The following CLTCL1 variants were observed in gnomAD, a reference collection of about 807,000 sequenced individuals.
CLTCL1 encodes clathrin heavy chain 2.
Under a neutral mutation model 190.0 loss-of-function variants are expected in CLTCL1, and 159 were observed. The ratio of observed to expected loss-of-function variants is 0.84; its 90% CI spans 0.74 to 0.95. The LOEUF (loss-of-function observed/expected upper bound fraction) is 0.95. CLTCL1 is among the 40% of genes least tolerant of loss of function. The pLI is 0.00. For missense variants in CLTCL1, 1,878 were observed against 2,033.4 expected, an observed-to-expected ratio of 0.92 and a Z score of 1.47; for synonymous variants, 752 against 769.6, an observed-to-expected ratio of 0.98 and a Z score of 0.38.
At chr22:19,270,726 C>CAAA (rs35877753) in intron 2 of CLTCL1, among the ~76,000 whole-genome samples, 22 of 78,784 alleles carry the variant, frequency 2.8e-4, no homozygotes, top group East Asian at 6.9e-4. Context: ...GACTCCAACT[C>CAAA]AAAAAAAAAA....
chr22:19,226,207 G>T lies in CLTCL1; in HGVS notation c.1947+12C>A. 6.2e-7 allele frequency: 1 copy of T among 1,612,710 alleles called. No homozygotes were observed. The highest frequency in any genetic ancestry group is 8.5e-7 in the Non-Finnish European group (1 of 1,179,434). On this transcript the variant is annotated intron_variant, in intron 12 of 32. Coordinates refer to ENST00000427926, the MANE Select transcript of CLTCL1 (RefSeq NM_007098.4). ...AACAGCCATAATAGGAGTGCCCAGGGGTACACAGTACCTCGGGATTGAGGA... is the reference window on the plus strand; with the variant it reads ...AACAGCCATAATAGGAGTGCCCAGGTGTACACAGTACCTCGGGATTGAGGA...
chr22:19,191,952 CTGGG>C (rs2084520718), intron 26 of CLTCL1, among the ~76,000 whole-genome samples: 1 of 152,268 alleles, frequency 6.6e-6, no homozygotes, highest in Admixed American at 6.5e-5. Flanking sequence ...GTGGACCACT[CTGGG>C]TGGACCCTGT....
intron 13 of CLTCL1, among the ~76,000 whole-genome samples, chr22:19,224,995 A>T (rs1248461985): frequency 6.6e-6 from 1 of 152,206 alleles, no homozygotes; most frequent in Non-Finnish European, 1.5e-5. Context: ...GAAGACAACC[A>T]GGTTACCTTG....
intron 5 of CLTCL1, among the ~76,000 whole-genome samples, chr22:19,236,713 A>C (rs1451360247): frequency 1.3e-5 from 2 of 152,174 alleles, no homozygotes; most frequent in African/African-American, 4.8e-5. Flanking sequence ...TTGGGAAGCC[A>C]AGGCAGGAGG....
intron 11 of CLTCL1, among the ~76,000 whole-genome samples, chr22:19,227,635 A>G (rs1286448240): frequency 1.3e-5 from 2 of 151,852 alleles, no homozygotes; most frequent in African/African-American, 2.4e-5. Context: ...TTGTATTTTT[A>G]GTAAAGACAG....
At chr22:19,274,663 T>G (rs1453005001) in intron 2 of CLTCL1, among the ~76,000 whole-genome samples, 6 of 151,970 alleles carry the variant, frequency 3.9e-5, no homozygotes, top group African/African-American at 1.4e-4. Context: ...AATAGAAGCC[T>G]AGGCAAAGCT....
chr22:19,269,367 T>C (rs533103224), intron 2 of CLTCL1, among the ~76,000 whole-genome samples: 1 of 152,060 alleles, frequency 6.6e-6, no homozygotes, highest in South Asian at 2.1e-4. Context: ...GCCATTGCAC[T>C]CCAGCCTGGA....
chr22:19,193,978 G>A (rs1205648567), intron 26 of CLTCL1, among the ~76,000 whole-genome samples: 1 of 152,218 alleles, frequency 6.6e-6, no homozygotes, highest in Non-Finnish European at 1.5e-5. Context: ...TTGCACTGCT[G>A]GCTCGCATGG....
intron 2 of CLTCL1, among the ~76,000 whole-genome samples, chr22:19,260,068 C>T (rs2086891997): frequency 6.6e-6 from 1 of 152,178 alleles, no homozygotes; most frequent in South Asian, 2.1e-4. Flanking sequence ...ATCCCTTAAG[C>T]CAAAGCCTAA....
chr22:19,288,640 CTG>C (rs1368506797), intron 1 of CLTCL1, among the ~76,000 whole-genome samples: 2 of 152,260 alleles, frequency 1.3e-5, no homozygotes, highest in African/African-American at 4.8e-5. Flanking sequence ...TGGCCTCAGT[CTG>C]TGCTCTTAAC....
At chr22:19,221,253 T>C in intron 17 of CLTCL1, 124 bp downstream of exon 17, 1 of 714,566 alleles carries the variant, frequency 1.4e-6, no homozygotes, top group South Asian at 2.0e-5. Context: ...CACAAGGAAA[T>C]AATCTCATGA....
rs369687427 is a variant in CLTCL1, at chr22:19,209,051, G to T, written c.3313C>A (p.Pro1105Thr). ...AYEFAERCNE[P>T]AVWSQLAQAQ... ...TGGGCCAGCTGACTCCACACAGCAG[G>T]CTCATTGCATCTCTCCGCAAACTCA... The change falls in exon 21 of 33, where the codon CCT becomes ACT. Residue 1105 changes from proline (P) to threonine (T), a missense_variant. By Grantham distance (38) the Pro-to-Thr change is conservative. Coordinates refer to ENST00000427926, the MANE Select transcript of CLTCL1 (RefSeq NM_007098.4). The T allele has an allele frequency of 1.2e-6, 2 of 1,610,458 alleles. No homozygotes were observed. The highest frequency in any genetic ancestry group is 2.2e-5 in the South Asian group (2 of 90,284).
chr22:19,258,657 C>A, intron 2 of CLTCL1: 1 of 641,018 alleles, frequency 1.6e-6, no homozygotes, highest in Non-Finnish European at 2.9e-6. Context: ...CACCTACCAC[C>A]GCCTGCTGGA....
chr22:19,261,239 A>T (rs557872904), intron 2 of CLTCL1, among the ~76,000 whole-genome samples: 12 of 151,338 alleles, frequency 7.9e-5, no homozygotes, highest in African/African-American at 2.7e-4. Context: ...CAGCCTCCCC[A>T]GTAGCTGGGA....
intron 2 of CLTCL1, among the ~76,000 whole-genome samples, chr22:19,274,589 G>T (rs1303525234): frequency 2.0e-5 from 3 of 152,076 alleles, no homozygotes; most frequent in African/African-American, 4.8e-5. Flanking sequence ...AAATAGAAAG[G>T]TCTTAACTTT....
chr22:19,261,342 C>T (rs2086943573), intron 2 of CLTCL1, among the ~76,000 whole-genome samples: 1 of 152,056 alleles, frequency 6.6e-6, no homozygotes. Context: ...GACCTCCTGA[C>T]CTTGTGATCC....
At chr22:19,199,218 A>G (rs1326553654) in intron 24 of CLTCL1, among the ~76,000 whole-genome samples, 6 of 152,068 alleles carry the variant, frequency 3.9e-5, no homozygotes, top group African/African-American at 1.5e-4. Flanking sequence ...TAAACACACA[A>G]ATCACTGTCT....
At chr22:19,278,080 C>T (rs962054318) in intron 1 of CLTCL1, among the ~76,000 whole-genome samples, 2 of 152,128 alleles carry the variant, frequency 1.3e-5, no homozygotes, top group South Asian at 2.1e-4. Context: ...GAGAAAGGCG[C>T]GAGGGGTGTC....
chr22:19,191,072 G>A (rs1172240955), intron 27 of CLTCL1, among the ~76,000 whole-genome samples: 1 of 152,064 alleles, frequency 6.6e-6, no homozygotes, highest in Non-Finnish European at 1.5e-5. Context: ...CACCGCACCC[G>A]GCCACAAACG....
Sources: gnomAD v4.1 joint callset for allele counts (sites outside exome capture counted in the v4.1 genomes callset) on GRCh38, gnomAD v4.1.1 for gene constraint, MANE v1.5 for transcripts, NCBI Gene and HGNC (gene_info 2026-07-23, HGNC 2026-07-21) for gene names.